Variants in C1orf21 observed in about 807,000 individuals in gnomAD.
The protein encoded by C1orf21 is chromosome 1 open reading frame 21.
A neutral mutation model predicts 18.7 loss-of-function variants in C1orf21; 3 were observed. The observed-to-expected ratio is 0.16, with a 90% CI of 0.07 to 0.42. C1orf21 has a LOEUF of 0.42. Ranked by LOEUF, C1orf21 falls within the 10% of genes least tolerant of loss-of-function variation. The pLI is 0.99. For synonymous variants in C1orf21, 41 were observed against 46.4 expected (o/e 0.88, Z 0.47); for missense variants, 104 against 143.6 (o/e 0.72, Z 1.41).
At chr1:184,496,524 C>G (rs1657897314) in intron 2 of C1orf21, among the ~76,000 whole-genome samples, 2 of 152,196 alleles carry the variant, frequency 1.3e-5, no homozygotes, top group African/African-American at 4.8e-5. Flanking sequence ...GTGAAAAGAT[C>G]TCTTTGCACC....
intron 1 of C1orf21, among the ~76,000 whole-genome samples, chr1:184,388,314 A>G (rs986361616): frequency 6.6e-6 from 1 of 152,246 alleles, no homozygotes; most frequent in Non-Finnish European, 1.5e-5. Flanking sequence ...AAAGATAAAA[A>G]TATGCACACA....
intron 1 of C1orf21, among the ~76,000 whole-genome samples, chr1:184,426,932 G>A (rs1401310558): frequency 6.6e-6 from 1 of 152,134 alleles, no homozygotes; most frequent in Non-Finnish European, 1.5e-5. Flanking sequence ...CAGGGGCTGG[G>A]TACTTAGGAG....
chr1:184,524,370 G>T (rs1571398438), intron 3 of C1orf21, among the ~76,000 whole-genome samples: 1 of 152,174 alleles, frequency 6.6e-6, no homozygotes, highest in East Asian at 1.9e-4. Context: ...ATAAGACTGG[G>T]TACCTTCATG....
intron 3 of C1orf21, chr1:184,567,693 TC>T: frequency 2.7e-6 from 1 of 372,516 alleles, no homozygotes; most frequent in South Asian, 2.4e-5. Flanking sequence ...CAGAGATTTT[TC>T]CAGGGCTGCT....
At chr1:184,535,404 G>C (rs1334858160) in intron 3 of C1orf21, among the ~76,000 whole-genome samples, 2 of 152,100 alleles carry the variant, frequency 1.3e-5, no homozygotes, top group African/African-American at 4.8e-5. Context: ...AGAATTTCTT[G>C]TTTTCCACAA....
chr1:184,579,046 CTT>C (rs71101936), intron 3 of C1orf21, among the ~76,000 whole-genome samples: 1 of 131,274 alleles, frequency 7.6e-6, no homozygotes. Context: ...CTTTAAAGTT[CTT>C]TTTTTTTTTG....
chr1:184,497,522 C>G (rs973474105), intron 2 of C1orf21, among the ~76,000 whole-genome samples: 2 of 152,148 alleles, frequency 1.3e-5, no homozygotes, highest in Non-Finnish European at 1.5e-5. Context: ...GCTTTCTTCA[C>G]GAATGTGAGC....
intron 1 of C1orf21, among the ~76,000 whole-genome samples, chr1:184,428,983 GT>G (rs1355592531): frequency 6.6e-6 from 1 of 152,110 alleles, no homozygotes; most frequent in Non-Finnish European, 1.5e-5. Flanking sequence ...TCCTTGCACA[GT>G]TTTCCCCATC....
At chr1:184,570,029 T>A (rs1659087714) in intron 3 of C1orf21, among the ~76,000 whole-genome samples, 1 of 152,220 alleles carries the variant, frequency 6.6e-6, no homozygotes, top group South Asian at 2.1e-4. Context: ...GGATATTTAT[T>A]TGAGGGAAAA....
intron 1 of C1orf21, among the ~76,000 whole-genome samples, chr1:184,452,114 G>T (rs1444537568): frequency 6.6e-6 from 1 of 152,166 alleles, no homozygotes; most frequent in East Asian, 1.9e-4. Flanking sequence ...CAAACTCCTA[G>T]ACATGTCCAT....
intron 1 of C1orf21, among the ~76,000 whole-genome samples, chr1:184,431,835 A>C (rs1028198263): frequency 6.6e-6 from 1 of 152,220 alleles, no homozygotes; most frequent in Non-Finnish European, 1.5e-5. Flanking sequence ...CTAGAAAAAA[A>C]CAAACAACCT....
chr1:184,579,494 C>A (rs1028960175), intron 3 of C1orf21, among the ~76,000 whole-genome samples: 1 of 98,160 alleles, frequency 1.0e-5, no homozygotes. Context: ...TCAAGATTTT[C>A]TTTTTTTTTT....
intron 3 of C1orf21, among the ~76,000 whole-genome samples, chr1:184,555,403 C>A (rs1225855959): frequency 6.6e-6 from 1 of 151,902 alleles, no homozygotes; most frequent in Non-Finnish European, 1.5e-5. Flanking sequence ...CCCCTCAGAT[C>A]CCAAGCTAAG....
chr1:184,520,007 G>A (rs1416466638), intron 3 of C1orf21, among the ~76,000 whole-genome samples: 1 of 152,164 alleles, frequency 6.6e-6, no homozygotes, highest in African/African-American at 2.4e-5. Context: ...TCCTTGGAGG[G>A]AGGAGGAATA....
At chr1:184,486,580 C>A (rs1420095432) in intron 2 of C1orf21, among the ~76,000 whole-genome samples, 1 of 152,106 alleles carries the variant, frequency 6.6e-6, no homozygotes, top group African/African-American at 2.4e-5. Context: ...AAAATAGATA[C>A]CATGCTAGAT....
In C1orf21 at chr1:184,591,748, G is replaced by A. The variant is rs565436136; in HGVS notation, c.266+933G>A. Reference sequence around the variant, plus strand: ...GTGAACCCTGGAGGTGGAGCTTGCAGTGAGCAGAGATGGCGCCACTGCACT... The same window carrying A: ...GTGAACCCTGGAGGTGGAGCTTGCAATGAGCAGAGATGGCGCCACTGCACT... On this transcript the variant is annotated intron_variant, in intron 4 of 5. Transcript: ENST00000235307. 8.5e-5 allele frequency among the ~76,000 whole-genome samples: 13 copies of A among 152,050 alleles called. 1 individual carries two copies. The South Asian group carries it at 1.9e-3, about 22-fold the overall frequency.
chr1:184,506,935 C>A (rs1367777029), intron 2 of C1orf21, among the ~76,000 whole-genome samples: 1 of 151,634 alleles, frequency 6.6e-6, no homozygotes, highest in African/African-American at 2.4e-5. Context: ...GCTCTTCATG[C>A]ATATGACTTT....
At chr1:184,465,353 C>T (rs1208999920) in intron 1 of C1orf21, among the ~76,000 whole-genome samples, 2 of 152,080 alleles carry the variant, frequency 1.3e-5, no homozygotes, top group Admixed American at 1.3e-4. Flanking sequence ...TTGGACATGA[C>T]TATGTGAGTT....
chr1:184,399,689 GCA>G (rs972054285), intron 1 of C1orf21, among the ~76,000 whole-genome samples: 2 of 152,144 alleles, frequency 1.3e-5, no homozygotes, highest in African/African-American at 4.8e-5. Context: ...ACATCAGGAG[GCA>G]CACATGCCTT....
Sources: gnomAD v4.1 joint callset for allele counts (sites outside exome capture counted in the v4.1 genomes callset) on GRCh38, gnomAD v4.1.1 for gene constraint, MANE v1.5 for transcripts, NCBI Gene and HGNC (gene_info 2026-07-23, HGNC 2026-07-21) for gene names.